C3orf52: variants seen among roughly 807,000 people sequenced by gnomAD.
C3orf52 encodes TPA-induced transmembrane protein.
A neutral mutation model predicts 24.8 loss-of-function variants in C3orf52; 22 were observed. That is an observed-to-expected ratio of 0.89 (90% CI 0.63 to 1.27). The LOEUF (loss-of-function observed/expected upper bound fraction) is 1.27. Ranked by LOEUF, C3orf52 falls within the 50% of genes most tolerant of loss-of-function variation. The pLI, the probability that C3orf52 is intolerant of heterozygous loss-of-function variation, is 0.00. For synonymous variants in C3orf52, 93 were observed against 100.2 expected (o/e 0.93, Z 0.43); for missense variants, 265 against 260.7 (o/e 1.02, Z -0.11).
At position 112,102,845 on chromosome 3, in the gene C3orf52, T is replaced by C. The variant is rs772958240; in HGVS notation, c.276T>C (p.Tyr92=). Residue 92 remains tyrosine, a synonymous_variant, in exon 3 of 6, where the codon TAT becomes TAC. Transcript: ENST00000264848. ...CTCCCCTACTTTCTTTAGTAACTTA[T>C]GTTGATGAAGATGAAAATGAAATAC... ...IIGLCLAAVT[Y]VDEDENEILE... 5.8e-6 allele frequency: 9 copies of C among 1,562,812 alleles called. No individual in the cohort carries two copies. The highest frequency in any genetic ancestry group is 5.4e-5 in the African/African-American group (4 of 73,810).
chr3:112,104,728 G>A (rs571108828), intron 3 of C3orf52, among the ~76,000 whole-genome samples: 3 of 151,960 alleles, frequency 2.0e-5, no homozygotes, highest in Admixed American at 2.0e-4. Flanking sequence ...TGAGATTTTG[G>A]TGCACCCATT....
chr3:112,115,305 G>C (rs757631202), intron 5 of C3orf52, among the ~76,000 whole-genome samples: 12 of 152,296 alleles, frequency 7.9e-5, no homozygotes, highest in Middle Eastern at 6.8e-3. Context: ...GCAGATGGGG[G>C]ATGAGCTCAG....
rs566140782 is a variant in C3orf52, at chr3:112,123,912, A to G, written c.*47-4321A>G. The G allele has an allele frequency of 5.0e-5, 42 of 833,974 alleles. No homozygotes were observed. In the East Asian group the frequency reaches 8.3e-4, roughly 17 times the overall value. The allele number at this position is 833,974 out of a possible 1,614,324, so 51.7% of individuals were successfully genotyped here. The stretch of plus-strand genomic sequence containing the variant: ...CCCCATCTCTTGGCCATTTTTTTCT[A>G]AATGGCTGCTTCTACCCCAACCACT... On this transcript the variant is annotated intron_variant, in intron 4 of 4. Transcript: ENST00000480282.
At chr3:112,102,303 A>T (rs1204677696) in intron 2 of C3orf52, among the ~76,000 whole-genome samples, 2 of 152,016 alleles carry the variant, frequency 1.3e-5, no homozygotes, top group Non-Finnish European at 2.9e-5. Context: ...GTCCTTCATC[A>T]CTCATTGTTT....
At chr3:112,093,579 C>A in intron 2 of C3orf52, 90 bp downstream of exon 2, 1 of 1,212,884 alleles carries the variant, frequency 8.2e-7, no homozygotes, top group Non-Finnish European at 1.2e-6. Flanking sequence ...GTACTCATAG[C>A]CATTTCATTA....
downstream of C3orf52, chr3:112,132,740 C>G: frequency 1.2e-6 from 1 of 841,706 alleles, no homozygotes. Context: ...TGATTTTGAC[C>G]TCCTTGTGGA....
downstream of C3orf52, among the ~76,000 whole-genome samples, chr3:112,120,521 G>A (rs996272042): frequency 2.0e-5 from 3 of 152,238 alleles, no homozygotes; most frequent in African/African-American, 7.2e-5. Flanking sequence ...ACGTGAAACG[G>A]AAACCACAAA....
Position 112,088,376 on chromosome 3 carries a change from T to C in C3orf52, c.138+1831T>C, listed in dbSNP as rs532499591. Among the ~76,000 whole-genome samples, 6 of 152,390 alleles carry C rather than the reference T, an allele frequency of 3.9e-5. 1 individual carries two copies. Among genetic ancestry groups the C allele is most frequent in the Admixed American group, 3.9e-4 (6 of 15,312 alleles). The stretch of plus-strand genomic sequence containing the variant: ...GTGTTGGTCTCTTTGAACTGTATAT[T>C]AAGATTTCTAATTTTGAAATGTAGC... On this transcript the variant is annotated intron_variant, in intron 1 of 5. Coordinates refer to ENST00000264848, the MANE Select transcript of C3orf52 (RefSeq NM_024616.3).
At chr3:112,132,647 G>A, downstream of C3orf52, 1 of 986,956 alleles carries the variant, frequency 1.0e-6, no homozygotes, top group African/African-American at 1.7e-5. Flanking sequence ...CTGCTTGCAG[G>A]GAGTGCACAT....
At chr3:112,136,252 A>G in the C3orf52 span, among the ~76,000 whole-genome samples, 1 of 152,340 alleles carries the variant, frequency 6.6e-6, no homozygotes, top group Admixed American at 6.5e-5. Flanking sequence ...TGTGCAGTGG[A>G]GGATATCTTC....
chr3:112,105,923 CACCTTGG>C (rs1407061759), intron 3 of C3orf52, among the ~76,000 whole-genome samples: 1 of 152,128 alleles, frequency 6.6e-6, no homozygotes, highest in African/African-American at 2.4e-5. Flanking sequence ...CCAAAACCCC[CACCTTGG>C]GTTTGGTCAT....
chr3:112,112,889 A>AAT, intron 4 of C3orf52, 75 bp from the exon 5 acceptor site: 2 of 1,189,022 alleles, frequency 1.7e-6, no homozygotes, highest in Non-Finnish European at 2.5e-6. Context: ...AAAAAAAAAA[A>AAT]GTTATTGCTT....
chr3:112,135,082 A>G (rs1055461652), downstream of C3orf52: 3 of 154,878 alleles, frequency 1.9e-5, no homozygotes, highest in Non-Finnish European at 4.4e-5. Flanking sequence ...ACAGAACTGT[A>G]TACTAATAAG....
chr3:112,092,196 A>G (rs1025796781), intron 1 of C3orf52, among the ~76,000 whole-genome samples: 3 of 152,122 alleles, frequency 2.0e-5, no homozygotes, highest in Non-Finnish European at 4.4e-5. Context: ...TGTGTCCATT[A>G]TCTCTAGTTT....
intron 2 of C3orf52, among the ~76,000 whole-genome samples, chr3:112,101,197 C>T (rs1049521602): frequency 3.3e-5 from 5 of 152,188 alleles, no homozygotes; most frequent in African/African-American, 9.7e-5. Flanking sequence ...ACTCAGCATG[C>T]AGTCCTACTG....
downstream of C3orf52, among the ~76,000 whole-genome samples, chr3:112,131,527 A>G (rs1336953186): frequency 1.3e-5 from 2 of 152,136 alleles, no homozygotes; most frequent in African/African-American, 4.8e-5. Flanking sequence ...GGGTCTTGCT[A>G]TGTTGTTCAG....
intron 4 of C3orf52, chr3:112,125,239 G>C (rs2074289798): frequency 1.9e-6 from 3 of 1,581,034 alleles, no homozygotes; most frequent in Non-Finnish European, 2.6e-6. Flanking sequence ...GATGGGAGTA[G>C]ATGACATTCT....
At chr3:112,109,793 AT>A in intron 4 of C3orf52, 180 bp downstream of exon 4, 1 of 465,838 alleles carries the variant, frequency 2.1e-6, no homozygotes. Context: ...CAACTCCCTT[AT>A]TTTACAAATG....
chr3:112,122,904 C>G (rs1576157276), downstream of C3orf52: 1 of 153,404 alleles, frequency 6.5e-6, no homozygotes, highest in African/African-American at 2.4e-5. Flanking sequence ...CTTGATTCAA[C>G]TCACATAACT....
Sources: allele counts gnomAD v4.1 joint callset (sites outside exome capture counted in the v4.1 genomes callset), GRCh38; gene constraint gnomAD v4.1.1; transcripts MANE v1.5; gene names NCBI Gene and HGNC (gene_info 2026-07-23, HGNC 2026-07-21).